Variants in FAP observed in about 807,000 individuals in gnomAD.
The protein encoded by FAP is fibroblast activation protein alpha.
In FAP, 110 loss-of-function variants were observed where a neutral mutation model predicts 126.5. The ratio of observed to expected loss-of-function variants is 0.87; its 90% CI spans 0.74 to 1.02. The LOEUF (loss-of-function observed/expected upper bound fraction) is 1.02. Ranked by LOEUF, FAP falls within the 50% of genes least tolerant of loss-of-function variation. FAP has a pLI of 0.00. For missense variants in FAP, 919 were observed against 909.2 expected (o/e 1.01, Z -0.14); for synonymous variants, 334 against 297.3 (o/e 1.12, Z -1.27).
At position 162,242,901 on chromosome 2, in the gene FAP, T is replaced by C; in HGVS notation, c.91+7A>G. Reference sequence around the variant, plus strand: ...GGCAGATAGAGCAAATCAGAGAAAGTTCTTACCTCTTGAAGGGCGTAAGAC... The same window carrying C: ...GGCAGATAGAGCAAATCAGAGAAAGCTCTTACCTCTTGAAGGGCGTAAGAC... On this transcript the variant is annotated splice_region_variant and intron_variant, in intron 2 of 25. Coordinates refer to ENST00000188790, the MANE Select transcript of FAP (RefSeq NM_004460.5). 6.2e-7 allele frequency: 1 copy of C among 1,608,566 alleles called. No homozygotes were observed. Among genetic ancestry groups the C allele is most frequent in the East Asian group, 2.2e-5 (1 of 44,808 alleles).
intron 1 of FAP, 39 bp downstream of exon 1, chr2:162,243,283 C>T: frequency 6.8e-7 from 1 of 1,479,906 alleles, no homozygotes; most frequent in South Asian, 1.2e-5. Flanking sequence ...TCCAGCCAAC[C>T]CTAATTTTTT....
At chr2:162,234,419 A>G (rs1419019038) in intron 2 of FAP, among the ~76,000 whole-genome samples, 1 of 152,066 alleles carries the variant, frequency 6.6e-6, no homozygotes, top group East Asian at 1.9e-4. Flanking sequence ...ATCTTTATAC[A>G]TGGATCTCGT....
intron 20 of FAP, among the ~76,000 whole-genome samples, chr2:162,183,921 A>G (rs1458942597): frequency 3.3e-5 from 5 of 152,182 alleles, no homozygotes; most frequent in Non-Finnish European, 7.3e-5. Context: ...CTTCATTTTC[A>G]GAGACATTTG....
chr2:162,173,008 G>A, intron 24 of FAP, 124 bp from the exon 25 acceptor site: 1 of 1,093,666 alleles, frequency 9.1e-7, no homozygotes, highest in Non-Finnish European at 1.4e-6. Context: ...TCAGCAGTGA[G>A]TAATCACACT....
intron 17 of FAP, 115 bp downstream of exon 17, chr2:162,194,586 T>A: frequency 1.2e-6 from 1 of 842,814 alleles, no homozygotes. Flanking sequence ...GATAACAGGA[T>A]TCCATCGCAG....
chr2:162,223,722 G>T, intron 5 of FAP, 62 bp from the exon 6 acceptor site: 1 of 1,035,216 alleles, frequency 9.7e-7, no homozygotes, highest in Non-Finnish European at 1.5e-6. Context: ...TATCAATAAT[G>T]TATAATCATA....
At chr2:162,216,948 G>A (rs1188375832) in intron 9 of FAP, among the ~76,000 whole-genome samples, 1 of 152,166 alleles carries the variant, frequency 6.6e-6, no homozygotes, top group African/African-American at 2.4e-5. Flanking sequence ...CTTCAGTTCT[G>A]GGTTCCCCGT....
intron 9 of FAP, among the ~76,000 whole-genome samples, chr2:162,217,158 G>T (rs975429072): frequency 6.6e-6 from 1 of 152,164 alleles, no homozygotes; most frequent in Non-Finnish European, 1.5e-5. Flanking sequence ...ATTCACTTGT[G>T]TGTATACCAC....
At chr2:162,195,107 A>T (rs1055764948) in intron 16 of FAP, 6 of 270,254 alleles carry the variant, frequency 2.2e-5, no homozygotes, top group African/African-American at 1.3e-4. Flanking sequence ...TGTCTTTATT[A>T]TCAAACAACC....
intron 12 of FAP, among the ~76,000 whole-genome samples, chr2:162,207,952 T>A (rs1435715234): frequency 6.6e-6 from 1 of 151,440 alleles, no homozygotes; most frequent in Non-Finnish European, 1.5e-5. Flanking sequence ...ACTGAGGGTG[T>A]TTTTTAAAAA....
At chr2:162,229,438 T>C (rs750143701) in intron 2 of FAP, among the ~76,000 whole-genome samples, 5 of 152,160 alleles carry the variant, frequency 3.3e-5, no homozygotes, top group Non-Finnish European at 7.4e-5. Flanking sequence ...ACAAGGCTAT[T>C]AGTATATACA....
At chr2:162,232,645 T>C (rs2106297063) in intron 2 of FAP, among the ~76,000 whole-genome samples, 1 of 152,308 alleles carries the variant, frequency 6.6e-6, no homozygotes, top group East Asian at 1.9e-4. Context: ...CTAACAGCAA[T>C]TTTCCATGGT....
At chr2:162,240,226 G>C (rs1193656987) in intron 2 of FAP, among the ~76,000 whole-genome samples, 1 of 152,124 alleles carries the variant, frequency 6.6e-6, no homozygotes, top group East Asian at 1.9e-4. Context: ...AAACTAAAAA[G>C]GGAATATTTT....
chr2:162,174,436 C>G (rs1270557877), intron 22 of FAP, among the ~76,000 whole-genome samples: 1 of 152,114 alleles, frequency 6.6e-6, no homozygotes, highest in African/African-American at 2.4e-5. Context: ...ATTTCTCCAA[C>G]AAAGTTTTTG....
At chr2:162,212,923 GA>G (rs1364870769) in intron 11 of FAP, among the ~76,000 whole-genome samples, 2 of 152,088 alleles carry the variant, frequency 1.3e-5, no homozygotes, top group Admixed American at 1.3e-4. Flanking sequence ...TTGAGTAATA[GA>G]AACAATTAAA....
chr2:162,234,275 A>T (rs897842639), intron 2 of FAP, among the ~76,000 whole-genome samples: 5 of 152,258 alleles, frequency 3.3e-5, no homozygotes, highest in African/African-American at 1.2e-4. Flanking sequence ...TAGAGATTAC[A>T]TTTAATCTGT....
At chr2:162,174,300 A>C (rs536707021) in intron 22 of FAP, among the ~76,000 whole-genome samples, 11 of 152,292 alleles carry the variant, frequency 7.2e-5, no homozygotes, top group Middle Eastern at 3.4e-3. Flanking sequence ...GCCCCAATAT[A>C]GAGGAGAGAA....
At chr2:162,197,509 T>A (rs1045086247) in intron 16 of FAP, 1 of 456,264 alleles carries the variant, frequency 2.2e-6, no homozygotes, top group Admixed American at 2.3e-5. Context: ...AACAACAATC[T>A]CTTGACATTT....
intron 14 of FAP, among the ~76,000 whole-genome samples, chr2:162,201,280 A>C (rs751166033): frequency 6.6e-6 from 1 of 152,178 alleles, no homozygotes; most frequent in African/African-American, 2.4e-5. Context: ...GGATAACCGA[A>C]GTTTGGTTGA....
Sources: gnomAD v4.1 joint callset for allele counts (sites outside exome capture counted in the v4.1 genomes callset) on GRCh38, gnomAD v4.1.1 for gene constraint, MANE v1.5 for transcripts, NCBI Gene and HGNC (gene_info 2026-07-23, HGNC 2026-07-21) for gene names.